The following RSBN1L variants were observed in gnomAD, a reference collection of about 807,000 sequenced individuals.
RSBN1L encodes the protein round spermatid basic protein 1 like, also known as lysine-specific demethylase RSBN1L.
A neutral mutation model predicts 67.7 loss-of-function variants in RSBN1L; 30 were observed. That is an observed-to-expected ratio of 0.44 (90% CI 0.33 to 0.60). The LOEUF (loss-of-function observed/expected upper bound fraction) is 0.60, where lower values mean the gene tolerates loss of function less well. Among genes scored for constraint, RSBN1L ranks in the 20% least tolerant of loss-of-function variants. The probability of loss-of-function intolerance (pLI) is 0.02; values close to 1 mark genes in which losing one functional copy is unlikely to be tolerated. For synonymous variants in RSBN1L, 433 were observed against 387.0 expected (o/e 1.12, Z -1.39); for missense variants, 992 against 1,031.7 (o/e 0.96, Z 0.53).
At chr7:77,700,707 C>G (rs984855918) in intron 1 of RSBN1L, among the ~76,000 whole-genome samples, 11 of 152,048 alleles carry the variant, frequency 7.2e-5, no homozygotes, top group African/African-American at 2.7e-4. Context: ...CTTGTGTAAC[C>G]TTTTGTTTTT....
At chr7:77,705,743 C>A (rs1206991448) in intron 1 of RSBN1L, among the ~76,000 whole-genome samples, 1 of 151,910 alleles carries the variant, frequency 6.6e-6, no homozygotes, top group African/African-American at 2.4e-5. Flanking sequence ...AACTCCTGAC[C>A]TCAGGTGTTC....
rs566983988 is a variant in RSBN1L, at chr7:77,697,207, G to T, written c.586+152G>T. On this transcript the variant is annotated intron_variant, in intron 1 of 7. Transcript: ENST00000334955. Reference sequence around the variant, plus strand: ...CCGGTTTTCAGCAGAGGATTTTGCAGTTCCCAAGGGGACAGGAAATGGAGC... The same window carrying T: ...CCGGTTTTCAGCAGAGGATTTTGCATTTCCCAAGGGGACAGGAAATGGAGC... 2.5e-5 allele frequency: 20 copies of T among 796,246 alleles called. No homozygotes were observed. The East Asian group carries it at 6.4e-4, about 25-fold the overall frequency. The allele number at this position is 796,246 out of a possible 1,614,324, so 49.3% of individuals were successfully genotyped here.
At chr7:77,750,184 G>A in intron 3 of RSBN1L, 120 bp downstream of exon 3, 1 of 502,580 alleles carries the variant, frequency 2.0e-6, no homozygotes, top group Non-Finnish European at 3.2e-6. Flanking sequence ...AAACCATTTG[G>A]GAGTATTAAG....
chr7:77,719,490 G>C (rs977870626), intron 1 of RSBN1L, among the ~76,000 whole-genome samples: 1 of 152,090 alleles, frequency 6.6e-6, no homozygotes, highest in African/African-American at 2.4e-5. Flanking sequence ...AATGCCCCAG[G>C]TTGTATATAT....
At chr7:77,725,243 ACT>A (rs1491482839) in intron 1 of RSBN1L, among the ~76,000 whole-genome samples, 5 of 57,914 alleles carry the variant, frequency 8.6e-5, no homozygotes, top group African/African-American at 4.4e-4. Flanking sequence ...TAAGCCCCCC[ACT>A]TTTTTTTTTT....
intron 1 of RSBN1L, among the ~76,000 whole-genome samples, chr7:77,714,183 C>A (rs943503320): frequency 6.6e-6 from 1 of 152,050 alleles, no homozygotes; most frequent in Non-Finnish European, 1.5e-5. Context: ...GCAAAAATCC[C>A]GATATTCTTA....
intron 1 of RSBN1L, among the ~76,000 whole-genome samples, chr7:77,718,123 A>G (rs1791071827): frequency 6.6e-6 from 1 of 152,216 alleles, no homozygotes; most frequent in Non-Finnish European, 1.5e-5. Context: ...TTGTGGGGAG[A>G]GAGAACATTA....
intron 3 of RSBN1L, among the ~76,000 whole-genome samples, chr7:77,752,347 T>C (rs1455503903): frequency 1.3e-5 from 2 of 152,242 alleles, no homozygotes; most frequent in Non-Finnish European, 1.5e-5. Flanking sequence ...TCTTTAGCTT[T>C]AGACTTAAAG....
At chr7:77,767,236 C>G (rs1791780432) in intron 4 of RSBN1L, among the ~76,000 whole-genome samples, 1 of 151,898 alleles carries the variant, frequency 6.6e-6, no homozygotes, top group African/African-American at 2.4e-5. Flanking sequence ...AACCTAAATG[C>G]ATTGTTTCTA....
intron 3 of RSBN1L, among the ~76,000 whole-genome samples, chr7:77,752,450 T>A (rs1791567646): frequency 6.6e-6 from 1 of 152,150 alleles, no homozygotes; most frequent in Non-Finnish European, 1.5e-5. Flanking sequence ...GTGTGCAGAT[T>A]GGGGAGGTAG....
chr7:77,749,495 A>G lies in RSBN1L; in HGVS notation c.775A>G (p.Lys259Glu), dbSNP rs1168358895. 1 of 1,597,388 alleles carries G rather than the reference A, an allele frequency of 6.3e-7. No individual in the cohort carries two copies. Among genetic ancestry groups the G allele is most frequent in the Non-Finnish European group, 8.5e-7 (1 of 1,175,760 alleles). The change falls in exon 3 of 8, where the codon AAA (lysine) becomes GAA (glutamate). Residue 259 changes from lysine to glutamate, a missense_variant. Lys to Glu is a moderately conservative substitution (Grantham distance 56, BLOSUM62 1). Coordinates refer to ENST00000334955, the MANE Select transcript of RSBN1L (RefSeq NM_198467.3). ...IKKVKKKKKK[K>E]HKENEKRKRP... ...AAAGGTAAAGAAGAAAAAGAAAAAGAAACACAAAGAGAATGAAAAACGGAA... is the reference window on the plus strand; with the variant it reads ...AAAGGTAAAGAAGAAAAAGAAAAAGGAACACAAAGAGAATGAAAAACGGAA...
At position 77,749,576 on chromosome 7, in the gene RSBN1L, G is replaced by C. The variant is rs1190305722; in HGVS notation, c.856G>C (p.Asp286His). 6 of 1,613,864 alleles carry C rather than the reference G, an allele frequency of 3.7e-6. No individual in the cohort carries two copies. The highest frequency in any genetic ancestry group is 5.1e-6 in the Non-Finnish European group (6 of 1,180,000). The change falls in exon 3 of 8, where the codon GAT becomes CAT. Residue 286 changes from aspartate (D) to histidine (H), a missense_variant. This residue lies in a region of RSBN1L where 575 missense variants were observed against 483.2 expected (regional missense o/e 1.19). Transcript: ENST00000334955. ...IQTICSGLLT[D>H]VEDQAAKGIL... ...GACCATCTGCTCAGGATTGCTAACT[G>C]ATGTTGAAGATCAAGCAGCCAAAGG...
chr7:77,744,870 A>T (rs1038106607), intron 2 of RSBN1L, among the ~76,000 whole-genome samples: 1 of 152,208 alleles, frequency 6.6e-6, no homozygotes, highest in Non-Finnish European at 1.5e-5. Flanking sequence ...TTTACAGAGA[A>T]TTTCTTAACA....
intron 5 of RSBN1L, 65 bp downstream of exon 5, chr7:77,768,868 T>G: frequency 6.9e-7 from 1 of 1,439,690 alleles, no homozygotes; most frequent in Admixed American, 1.9e-5. Context: ...TGTATGTTAG[T>G]TGAAAATTGG....
intron 3 of RSBN1L, among the ~76,000 whole-genome samples, chr7:77,760,090 A>G (rs183922315): frequency 6.6e-6 from 1 of 152,318 alleles, no homozygotes; most frequent in Non-Finnish European, 1.5e-5. Flanking sequence ...ATAAGAGAAA[A>G]CAGCAATAAG....
At chr7:77,760,834 T>C (rs1791689338) in intron 3 of RSBN1L, among the ~76,000 whole-genome samples, 1 of 152,220 alleles carries the variant, frequency 6.6e-6, no homozygotes, top group East Asian at 1.9e-4. Flanking sequence ...CGGGGTTTTG[T>C]CATGTTGGCC....
In RSBN1L at chr7:77,697,062, G is replaced by T; in HGVS notation, c.586+7G>T. The T allele has an allele frequency of 7.0e-7, 1 of 1,437,248 alleles. No homozygotes were observed. Among genetic ancestry groups the T allele is most frequent in the Non-Finnish European group, 9.1e-7 (1 of 1,098,830 alleles). 89.0% of individuals were successfully genotyped at this position (1,437,248 alleles called of 1,614,324 possible). On this transcript the variant is annotated splice_region_variant and intron_variant, in intron 1 of 7. Transcript: ENST00000334955. ...GTGAAGCCGCTGCCCCGAGGTGGGTGCCGTGCGGGGAGGGGGAGGGGAGGG... is the reference window on the plus strand; with the variant it reads ...GTGAAGCCGCTGCCCCGAGGTGGGTTCCGTGCGGGGAGGGGGAGGGGAGGG...
chr7:77,716,961 CTTTT>C (rs150026745), intron 1 of RSBN1L, among the ~76,000 whole-genome samples: 5 of 124,782 alleles, frequency 4.0e-5, no homozygotes, highest in African/African-American at 1.5e-4. Flanking sequence ...TTCTTACATT[CTTTT>C]TTTTTTTTCA....
chr7:77,730,975 A>G (rs1791264707), intron 1 of RSBN1L, among the ~76,000 whole-genome samples: 1 of 152,122 alleles, frequency 6.6e-6, no homozygotes, highest in African/African-American at 2.4e-5. Flanking sequence ...TGGCTGTACC[A>G]TTTTACATTC....
Sources: gnomAD v4.1 joint callset for allele counts (sites outside exome capture counted in the v4.1 genomes callset) on GRCh38, gnomAD v4.1.1 for gene constraint, gnomAD v4.1.1 regional missense constraint, MANE v1.5 for transcripts, NCBI Gene and HGNC (gene_info 2026-07-23, HGNC 2026-07-21) for gene names.